DEAF1: variants seen among roughly 807,000 people sequenced by gnomAD.
The protein encoded by DEAF1 is deformed epidermal autoregulatory factor 1 homolog.
DEAF1 carries 53 observed loss-of-function variants against 58.9 expected under a neutral mutation model. That is an observed-to-expected ratio of 0.90 (90% CI 0.72 to 1.13). The LOEUF (loss-of-function observed/expected upper bound fraction) is 1.13, where lower values mean the gene tolerates loss of function less well. DEAF1 is among the 50% of genes most tolerant of loss of function. DEAF1 has a pLI of 0.00. For synonymous variants in DEAF1, 385 were observed against 340.4 expected, an observed-to-expected ratio of 1.13 and a Z score of -1.44; for missense variants, 685 against 791.4, an observed-to-expected ratio of 0.87 and a Z score of 1.61.
In DEAF1 at chr11:674,579, G is replaced by A. The variant is rs373327560; in HGVS notation, c.1460C>T (p.Ala487Val). 10 of 1,614,018 alleles carry A rather than the reference G, an allele frequency of 6.2e-6. No homozygotes were observed. The highest frequency in any genetic ancestry group is 8.5e-6 in the Non-Finnish European group (10 of 1,180,028). ...AGCGTGGATCTTGGCCTGGTTTGTG[G>A]CAGCTTCTCGGTAGGTGCTGGCATG... ...AKHASTYREA[A>V]TNQAKIHADA... Residue 487 changes from alanine to valine, a missense_variant, in exon 10 of 12, where the codon GCC (alanine) becomes GTC (valine). By Grantham distance (64) the Ala-to-Val change is moderately conservative. This residue lies in a region of DEAF1 where 343 missense variants were observed against 379.8 expected (regional missense o/e 0.90). Coordinates refer to ENST00000382409, the MANE Select transcript of DEAF1 (RefSeq NM_021008.4).
At position 688,450 on chromosome 11, in the gene DEAF1, G is replaced by T; in HGVS notation, c.398C>A (p.Thr133Lys). The change falls in exon 3 of 12, where the codon ACG becomes AAG. Residue 133 changes from threonine to lysine, a missense_variant. By Grantham distance (78) the Thr-to-Lys change is moderately conservative. Transcript: ENST00000382409. The surrounding 1 kb of genome is among the most constrained non-coding windows in gnomAD (Gnocchi z 4.3). ...CAGGCTGTCCCCGATCTGAAGGGCC[G>T]TCCTACCAGACTAGAAGGAAAAACC... ...SISGHVLSGRTALQIGDSLNT... is the reference protein window; with the variant it reads ...SISGHVLSGRKALQIGDSLNT... 6.2e-7 allele frequency: 1 copy of T among 1,613,738 alleles called. No individual in the cohort carries two copies. The highest frequency in any genetic ancestry group is 8.5e-7 in the Non-Finnish European group (1 of 1,180,008).
chr11:684,367 G>C (rs931176101), intron 6 of DEAF1, among the ~76,000 whole-genome samples: 1 of 151,770 alleles, frequency 6.6e-6, no homozygotes, highest in East Asian at 1.9e-4. Flanking sequence ...GCAGTGAGCC[G>C]AGACCGCGCC....
chr11:688,783 C>T lies in DEAF1; in HGVS notation c.388-323G>A, dbSNP rs1231974519. ...GCCGCTCCCACAAGGTCACCGTCTT[C>T]ATGCAGAGTTTCCAACAGACCGAGT... On this transcript the variant is annotated intron_variant, in intron 2 of 11. Coordinates refer to ENST00000382409, the MANE Select transcript of DEAF1 (RefSeq NM_021008.4). The surrounding 1 kb of genome is among the most constrained non-coding windows in gnomAD (Gnocchi z 4.3). Among the ~76,000 whole-genome samples, 1 of 152,220 alleles carries T rather than the reference C, an allele frequency of 6.6e-6. No individual in the cohort carries two copies. Among genetic ancestry groups the T allele is most frequent in the Non-Finnish European group, 1.5e-5 (1 of 68,036 alleles).
intron 1 of DEAF1, chr11:700,230 A>G: frequency 6.2e-7 from 1 of 1,613,624 alleles, no homozygotes; most frequent in Non-Finnish European, 8.5e-7. Context: ...ATGATCACGT[A>G]TAAAAGTAAG....
intron 10 of DEAF1, among the ~76,000 whole-genome samples, chr11:669,063 G>A (rs1254961619): frequency 6.6e-6 from 1 of 150,720 alleles, no homozygotes; most frequent in Non-Finnish European, 1.5e-5. Context: ...CTGACCTTGT[G>A]ATCTGCCCGC....
At chr11:679,968 A>C (rs531122194) in intron 7 of DEAF1, 152 bp from the exon 8 acceptor site, 1 of 1,089,112 alleles carries the variant, frequency 9.2e-7, no homozygotes, top group African/African-American at 1.6e-5. Flanking sequence ...ACACGGGGGA[A>C]ATCCCAGACC....
At chr11:670,802 A>T (rs1859786873) in intron 10 of DEAF1, among the ~76,000 whole-genome samples, 1 of 119,506 alleles carries the variant, frequency 8.4e-6, no homozygotes. Context: ...TTTTGAGACG[A>T]GGTCTCACTC....
At chr11:659,979 C>T (rs557859997) in intron 10 of DEAF1, among the ~76,000 whole-genome samples, 3 of 152,318 alleles carry the variant, frequency 2.0e-5, no homozygotes, top group Non-Finnish European at 4.4e-5. Context: ...GGGGCTTGGG[C>T]AGGCAGGGCC....
intron 10 of DEAF1, among the ~76,000 whole-genome samples, chr11:672,500 G>C (rs1280182309): frequency 6.6e-6 from 1 of 152,168 alleles, no homozygotes; most frequent in Non-Finnish European, 1.5e-5. Context: ...TTGTCTAGTA[G>C]AATCTATAAC....
chr11:686,716 C>G (rs557835570), intron 5 of DEAF1, 142 bp downstream of exon 5: 45 of 1,141,194 alleles, frequency 3.9e-5, no homozygotes, highest in Middle Eastern at 4.5e-4. Flanking sequence ...AATCACTCGC[C>G]CAAGGCCACA....
intron 11 of DEAF1, among the ~76,000 whole-genome samples, chr11:652,779 C>A (rs574312991): frequency 7.2e-5 from 11 of 151,880 alleles, no homozygotes; most frequent in South Asian, 6.3e-4. Context: ...GAAAAAAAAA[C>A]CATCAAAAAG....
At chr11:693,555 A>T (rs531639946) in intron 1 of DEAF1, 4 of 152,376 alleles carry the variant, frequency 2.6e-5, no homozygotes, top group Admixed American at 6.5e-5. Flanking sequence ...AGTGCCTCAC[A>T]ACGCAACAAG....
intron 1 of DEAF1, chr11:703,710 T>C (rs1466070517): frequency 8.1e-7 from 1 of 1,232,212 alleles, no homozygotes; most frequent in African/African-American, 1.6e-5. Flanking sequence ...GGTGCAAGAG[T>C]GGACTCTGGG....
chr11:692,645 G>C (rs1860882869), intron 1 of DEAF1, among the ~76,000 whole-genome samples: 1 of 152,170 alleles, frequency 6.6e-6, no homozygotes, highest in Non-Finnish European at 1.5e-5. Context: ...CTGAGGTCAG[G>C]AGTTCGAGAC....
chr11:680,574 C>T (rs1860311169), intron 7 of DEAF1, among the ~76,000 whole-genome samples: 1 of 152,232 alleles, frequency 6.6e-6, no homozygotes, highest in Non-Finnish European at 1.5e-5. Context: ...CCTGACGCCG[C>T]CCTCCAGCCC....
intron 10 of DEAF1, among the ~76,000 whole-genome samples, chr11:673,420 T>C (rs1828034077): frequency 1.3e-5 from 2 of 151,848 alleles, no homozygotes; most frequent in Non-Finnish European, 2.9e-5. Flanking sequence ...CCCAGCTACT[T>C]GGGAGGCTGA....
In DEAF1 at chr11:688,770, A is replaced by G. The variant is rs116022146; in HGVS notation, c.388-310T>C. Among the ~76,000 whole-genome samples, 1,209 of 152,312 alleles carry G rather than the reference A, an allele frequency of 7.9e-3. 14 individuals are homozygous for G. The highest frequency in any genetic ancestry group is 0.028 in the African/African-American group (1,147 of 41,556). On this transcript the variant is annotated intron_variant, in intron 2 of 11. Coordinates refer to ENST00000382409, the MANE Select transcript of DEAF1 (RefSeq NM_021008.4). This position sits in a 1 kb window ranked among gnomAD's most constrained non-coding sequence, Gnocchi z 4.3. Reference sequence around the variant, plus strand: ...CCCTTCCACCTGAGCCGCTCCCACAAGGTCACCGTCTTCATGCAGAGTTTC... The same window carrying G: ...CCCTTCCACCTGAGCCGCTCCCACAGGGTCACCGTCTTCATGCAGAGTTTC...
At chr11:697,341 A>G (rs1025664950), upstream of DEAF1, 1 of 152,222 alleles carries the variant, frequency 6.6e-6, no homozygotes, top group African/African-American at 2.4e-5. Flanking sequence ...TTTCACTTCC[A>G]TGTTTAACTT....
chr11:686,694 C>T (rs923185093), intron 5 of DEAF1, among the ~76,000 whole-genome samples, 164 bp downstream of exon 5: 3 of 152,188 alleles, frequency 2.0e-5, no homozygotes, highest in Admixed American at 6.5e-5. Flanking sequence ...GAAACTGAAA[C>T]ATGAGAGGGT....
Sources: gnomAD v4.1 joint callset for allele counts (sites outside exome capture counted in the v4.1 genomes callset) on GRCh38, gnomAD v4.1.1 for gene constraint, gnomAD v4.1.1 regional missense constraint, Gnocchi (gnomAD v3.1) non-coding constraint, MANE v1.5 for transcripts, NCBI Gene and HGNC (gene_info 2026-07-23, HGNC 2026-07-21) for gene names.